Variants in UBE3B observed in about 807,000 individuals in gnomAD.
The protein encoded by UBE3B is ubiquitin protein ligase E3B, also known as ubiquitin-protein ligase E3B.
A neutral mutation model predicts 132.3 loss-of-function variants in UBE3B; 80 were observed. The ratio of observed to expected loss-of-function variants is 0.60; its 90% CI spans 0.50 to 0.73. The LOEUF is 0.73. Ranked by LOEUF, UBE3B falls within the 30% of genes least tolerant of loss-of-function variation. UBE3B has a pLI of 0.00. For synonymous variants in UBE3B, 487 were observed against 520.4 expected (o/e 0.94, Z 0.87); for missense variants, 1,196 against 1,362.5 (o/e 0.88, Z 1.92).
rs1188170639 is a variant in UBE3B, at chr12:109,488,686, C to A, written c.544+18C>A. The A allele has an allele frequency of 1.9e-6, 3 of 1,607,862 alleles. No homozygotes were observed. The highest frequency in any genetic ancestry group is 2.6e-6 in the Non-Finnish European group (3 of 1,174,448). ...GGGAAAAGGTCTGTGGGACTTGCTT[C>A]AAAATGTTCTCTAACCAACATTTCC... is the stretch of plus-strand genomic sequence containing the variant. On this transcript the variant is annotated intron_variant, in intron 7 of 27. Transcript: ENST00000342494.
At chr12:109,515,056 G>A (rs1422681618) in intron 18 of UBE3B, among the ~76,000 whole-genome samples, 3 of 151,878 alleles carry the variant, frequency 2.0e-5, no homozygotes, top group Non-Finnish European at 2.9e-5. Context: ...TGGGACTACA[G>A]GTGCTCGCCA....
At chr12:109,503,264 T>G in intron 14 of UBE3B, 74 bp downstream of exon 14, 2 of 1,553,892 alleles carry the variant, frequency 1.3e-6, no homozygotes, top group Non-Finnish European at 1.7e-6. Flanking sequence ...AGTCGATGTT[T>G]TTTTCTGGCT....
In UBE3B at chr12:109,521,169, C is replaced by T. The variant is rs2136063413; in HGVS notation, c.2098C>T (p.Gln700Ter). ...GCAGGACGGCTACGAGCAGCTTAGG[C>T]AGCTCTCCCAGCACGCCATGAAGGG... ...MLEDGYEQLR[Q>*]LSQHAMKGVI... Residue 700 changes from glutamine (Q) to a stop codon, truncating the protein, a stop_gained, in exon 20 of 28, where the codon CAG (glutamine) becomes TAG (stop). Transcript: ENST00000342494. LOFTEE classifies it high-confidence loss of function. The surrounding 1 kb of genome is among the most constrained non-coding windows in gnomAD (Gnocchi z 4.2). The T allele has an allele frequency of 6.2e-7, 1 of 1,614,190 alleles. No individual in the cohort carries two copies. Among genetic ancestry groups the T allele is most frequent in the Non-Finnish European group, 8.5e-7 (1 of 1,180,032 alleles).
intron 23 of UBE3B, among the ~76,000 whole-genome samples, chr12:109,525,800 C>T (rs893924436): frequency 2.6e-5 from 4 of 152,164 alleles, no homozygotes; most frequent in African/African-American, 7.2e-5. Context: ...AATGAAACTT[C>T]TAACAAAAAA....
At chr12:109,526,247 A>G (rs1882318976) in intron 23 of UBE3B, 111 bp from the exon 24 acceptor site, 2 of 1,109,184 alleles carry the variant, frequency 1.8e-6, no homozygotes, top group Admixed American at 1.9e-5. Context: ...AGCATGTGCC[A>G]TCTTAATTCC....
At chr12:109,524,570 A>G in intron 23 of UBE3B, 67 bp downstream of exon 23, 1 of 1,557,132 alleles carries the variant, frequency 6.4e-7, no homozygotes. Context: ...CTGCCGTGTT[A>G]TTTGTTTTCC....
chr12:109,481,370 A>G (rs1592867465), intron 1 of UBE3B, among the ~76,000 whole-genome samples: 1 of 152,090 alleles, frequency 6.6e-6, no homozygotes, highest in Non-Finnish European at 1.5e-5. Flanking sequence ...TTAACATTCC[A>G]TGACCTCTAA....
chr12:109,526,523 C>T lies in UBE3B; in HGVS notation c.2627+107C>T, dbSNP rs1199374424. 30 of 1,159,354 alleles carry T rather than the reference C, an allele frequency of 2.6e-5. No individual in the cohort carries two copies. In the Admixed American group the frequency reaches 6.1e-4, roughly 23 times the overall value. The allele number at this position is 1,159,354 out of a possible 1,614,324, so 71.8% of individuals were successfully genotyped here. ...TAAGATAGATTGAAGTAGAAAGAGGCCATAAATATCATAATGGAATTTACT... is the reference window on the plus strand; with the variant it reads ...TAAGATAGATTGAAGTAGAAAGAGGTCATAAATATCATAATGGAATTTACT... On this transcript the variant is annotated intron_variant, in intron 24 of 27. Coordinates refer to ENST00000342494, the MANE Select transcript of UBE3B (RefSeq NM_130466.4).
chr12:109,505,024 T>C (rs1415698467), intron 14 of UBE3B, among the ~76,000 whole-genome samples: 1 of 152,044 alleles, frequency 6.6e-6, no homozygotes, highest in Non-Finnish European at 1.5e-5. Context: ...TTAGCCAGGA[T>C]GGTCTCGATC....
At position 109,499,792 on chromosome 12, in the gene UBE3B, C is replaced by A. The variant is rs1242645761; in HGVS notation, c.1100C>A (p.Ser367Tyr). Residue 367 changes from serine to tyrosine, a missense_variant, in exon 12 of 28, where the codon TCC (serine) becomes TAC (tyrosine). Coordinates refer to ENST00000342494, the MANE Select transcript of UBE3B (RefSeq NM_130466.4). ...THWHPVLGWFSQSVDYGLNES... is the reference protein window; with the variant it reads ...THWHPVLGWFYQSVDYGLNES... The stretch of plus-strand genomic sequence containing the variant: ...TGGCATCCTGTCCTTGGCTGGTTCT[C>A]CCAATCTGTGGATTATGGGTGAGTC... 1.2e-6 allele frequency: 2 copies of A among 1,608,408 alleles called. No individual in the cohort carries two copies. The highest frequency in any genetic ancestry group is 3.4e-5 in the Admixed American group (2 of 59,494).
chr12:109,510,772 G>A (rs934440502), intron 17 of UBE3B, among the ~76,000 whole-genome samples: 6 of 152,230 alleles, frequency 3.9e-5, no homozygotes, highest in Admixed American at 2.6e-4. Context: ...GAGTTAAAAG[G>A]CAGTTTTTAT....
intron 9 of UBE3B, 49 bp downstream of exon 9, chr12:109,491,176 C>G (rs567792335): frequency 6.4e-7 from 1 of 1,573,368 alleles, no homozygotes; most frequent in East Asian, 2.2e-5. Context: ...TGAATGCTTC[C>G]TCCTCTTGGT....
At position 109,486,002 on chromosome 12, in the gene UBE3B, C is replaced by T; in HGVS notation, c.283-10C>T. On this transcript the variant is annotated splice_polypyrimidine_tract_variant and intron_variant, in intron 4 of 27. Coordinates refer to ENST00000342494, the MANE Select transcript of UBE3B (RefSeq NM_130466.4). ...TGGGAATGTATAACCCCCAGTGTGT[C>T]TCTTTGCAGAGATTTGAGAAGTTGT... 1 of 1,552,986 alleles carries T rather than the reference C, an allele frequency of 6.4e-7. No individual in the cohort carries two copies. The highest frequency in any genetic ancestry group is 8.7e-7 in the Non-Finnish European group (1 of 1,147,588).
intron 1 of UBE3B, among the ~76,000 whole-genome samples, chr12:109,480,978 C>T (rs1275038613): frequency 6.6e-6 from 1 of 151,888 alleles, no homozygotes; most frequent in Non-Finnish European, 1.5e-5. Flanking sequence ...AACGTTTTTC[C>T]ATTATCATTA....
rs1883256342 is a variant in UBE3B at position 109,534,375 on chromosome 12, C to T, written c.3016-216C>T. 3 of 1,414,440 alleles carry T rather than the reference C, an allele frequency of 2.1e-6. No individual in the cohort carries two copies. The highest frequency in any genetic ancestry group is 2.9e-5 in the African/African-American group (2 of 68,966). The allele number at this position is 1,414,440 out of a possible 1,614,324, so 87.6% of individuals were successfully genotyped here. A position where few individuals can be genotyped will look rare whatever the true frequency, so the allele number is the denominator to read the frequency against. On this transcript the variant is annotated intron_variant, in intron 27 of 27. Transcript: ENST00000342494. The surrounding 1 kb of genome is among the most constrained non-coding windows in gnomAD (Gnocchi z 5.2). The stretch of plus-strand genomic sequence containing the variant: ...AAAGCTTACTTAGTGCAGGAATTCT[C>T]TGTGCAGGCCCCAGGGAGAAGGGGT...
rs148729825 is a variant in UBE3B at position 109,533,487 on chromosome 12, C to T, written c.2944C>T (p.Pro982Ser). Reference sequence around the variant, plus strand: ...GCAGTTCGTGACCAGCTGCTCCAGACCCCCGCTCCTGGGATTCGCCTACCT... The same window carrying T: ...GCAGTTCGTGACCAGCTGCTCCAGATCCCCGCTCCTGGGATTCGCCTACCT... ...FLKFVTSCSR[P>S]PLLGFAYLKP... The change falls in exon 27 of 28, where the codon CCC becomes TCC. Residue 982 changes from proline to serine, a missense_variant. Transcript: ENST00000342494. The T allele has an allele frequency of 1.5e-4, 238 of 1,614,012 alleles. No individual in the cohort carries two copies. Among genetic ancestry groups the T allele is most frequent in the South Asian group, 2.3e-4 (21 of 91,084 alleles).
At chr12:109,498,986 C>G (rs566126428) in intron 11 of UBE3B, among the ~76,000 whole-genome samples, 16 of 151,850 alleles carry the variant, frequency 1.1e-4, no homozygotes, top group African/African-American at 3.4e-4. Flanking sequence ...CTACCACGGC[C>G]GACTAATTTT....
intron 23 of UBE3B, among the ~76,000 whole-genome samples, chr12:109,525,563 C>T: frequency 6.6e-6 from 1 of 152,170 alleles, no homozygotes; most frequent in East Asian, 1.9e-4. Flanking sequence ...AGAATCTTCA[C>T]AGAATTTCTA....
Position 109,489,946 on chromosome 12 carries a change from A to C in UBE3B, c.572A>C (p.His191Pro). 1.2e-6 allele frequency: 2 copies of C among 1,614,206 alleles called. No individual in the cohort carries two copies. Among genetic ancestry groups the C allele is most frequent in the Non-Finnish European group, 1.7e-6 (2 of 1,180,028 alleles). ...GAAAGTCTTCGACCAGCGATGAACC[A>C]CATTTGTGCAAATATAATGGGACAT... is the stretch of plus-strand genomic sequence containing the variant. The part of the protein sequence containing the change: ...KGESLRPAMN[H>P]ICANIMGHLN... The change falls in exon 8 of 28, where the codon CAC (histidine) becomes CCC (proline). Residue 191 changes from histidine to proline, a missense_variant. Physicochemically the swap from His to Pro is moderately conservative, Grantham distance 77. Coordinates refer to ENST00000342494, the MANE Select transcript of UBE3B (RefSeq NM_130466.4).
Sources: gnomAD v4.1 joint callset for allele counts (sites outside exome capture counted in the v4.1 genomes callset) on GRCh38, gnomAD v4.1.1 for gene constraint, Gnocchi (gnomAD v3.1) non-coding constraint, MANE v1.5 for transcripts, NCBI Gene and HGNC (gene_info 2026-07-23, HGNC 2026-07-21) for gene names.